Variants in TNRC18 observed in about 807,000 individuals in gnomAD.
TNRC18 encodes trinucleotide repeat containing 18.
TNRC18 carries 69 observed loss-of-function variants against 226.7 expected under a neutral mutation model. The ratio of observed to expected loss-of-function variants is 0.30; its 90% confidence interval spans 0.25 to 0.37. The LOEUF is 0.37. Ranked by LOEUF, TNRC18 falls within the 10% of genes least tolerant of loss-of-function variation. The pLI, the probability that TNRC18 is intolerant of heterozygous loss-of-function variation, is 1.00. For missense variants in TNRC18, 4,754 were observed against 4,256.6 expected (o/e 1.12, Z -3.25); for synonymous variants, 2,449 against 1,927.6 (o/e 1.27, Z -7.09).
intron 11 of TNRC18, among the ~76,000 whole-genome samples, chr7:5,367,097 A>G (rs1263943333): frequency 2.0e-5 from 3 of 152,090 alleles, no homozygotes; most frequent in Non-Finnish European, 4.4e-5. Context: ...GGGTGCAGTG[A>G]CTTACACTTG....
Position 5,375,001 on chromosome 7 carries a change from G to A in TNRC18, c.2800-517C>T, listed in dbSNP as rs973079742. Among the ~76,000 whole-genome samples the A allele has an allele frequency of 5.3e-5, 8 of 152,312 alleles. No homozygotes were observed. The South Asian group carries it at 6.2e-4, about 12-fold the overall frequency. On this transcript the variant is annotated intron_variant, in intron 9 of 29. Coordinates refer to ENST00000430969, the MANE Select transcript of TNRC18 (RefSeq NM_001080495.3). ...GCGACCACCAATGCCTACCTGGGCC[G>A]GTCAGTCAATACACAAAACACACTA...
chr7:5,332,491 G>C (rs908883919), intron 19 of TNRC18, 131 bp downstream of exon 19: 29 of 1,001,574 alleles, frequency 2.9e-5, no homozygotes, highest in Non-Finnish European at 3.9e-5. Context: ...CAGGGGCTCC[G>C]GGCGGGCCTG....
At chr7:5,383,192 C>T (rs968443276) in intron 5 of TNRC18, among the ~76,000 whole-genome samples, 1 of 152,184 alleles carries the variant, frequency 6.6e-6, no homozygotes, top group Non-Finnish European at 1.5e-5. Context: ...CATGAGCCGC[C>T]GCATCTGGCA....
chr7:5,393,588 C>T (rs553986364), intron 3 of TNRC18, among the ~76,000 whole-genome samples: 19 of 152,206 alleles, frequency 1.2e-4, no homozygotes, highest in Middle Eastern at 3.4e-3. Flanking sequence ...CCAGGAACCA[C>T]GAGCACCTAC....
chr7:5,332,457 G>C (rs556324088), intron 19 of TNRC18, among the ~76,000 whole-genome samples, 165 bp downstream of exon 19: 1 of 152,320 alleles, frequency 6.6e-6, no homozygotes, highest in South Asian at 2.1e-4. Context: ...CAGGTGCCCA[G>C]CTCCTGCTGT....
At chr7:5,353,577 A>G (rs1463217614) in intron 16 of TNRC18, among the ~76,000 whole-genome samples, 1 of 150,696 alleles carries the variant, frequency 6.6e-6, no homozygotes, top group Non-Finnish European at 1.5e-5. Context: ...AAAAAAAAAA[A>G]AAAACCCACA....
chr7:5,313,278 G>C lies in TNRC18; in HGVS notation c.7613C>G (p.Ser2538Cys). 6.5e-7 allele frequency: 1 copy of C among 1,548,612 alleles called. No homozygotes were observed. The highest frequency in any genetic ancestry group is 8.7e-7 in the Non-Finnish European group (1 of 1,146,626). The change falls in exon 27 of 30, where the codon TCT (serine) becomes TGT (cysteine). Residue 2538 changes from serine to cysteine, a missense_variant. Transcript: ENST00000430969. ...CTTGTCTGGGCTCTTGGGGTTCCCA[G>C]AGTCCTCGAACGTGAGCCCCGGCCC... is the stretch of plus-strand genomic sequence containing the variant. Reference protein sequence around the residue: ...EPGPGLTFEDSGNPKSPDKAQ... With the variant: ...EPGPGLTFEDCGNPKSPDKAQ...
At position 5,374,204 on chromosome 7, in the gene TNRC18, G is replaced by A; in HGVS notation, c.3080C>T (p.Pro1027Leu). ...CGGCGGGCTGGTGGGGTGGGAGCTG[G>A]GGGTGGCGGGGTAGGCGTAGGCGGG... is the stretch of plus-strand genomic sequence containing the variant. ...KPPAYAYPAT[P>L]SSHPTSPPPA... Residue 1027 changes from proline (P) to leucine (L), a missense_variant, in exon 10 of 30, where the codon CCC (proline) becomes CTC (leucine). Physicochemically the swap from Pro to Leu is moderately conservative, Grantham distance 98. Transcript: ENST00000430969. 2.7e-6 allele frequency: 4 copies of A among 1,459,412 alleles called. No homozygotes were observed. Among genetic ancestry groups the A allele is most frequent in the South Asian group, 1.4e-5 (1 of 70,846 alleles). 90.4% of individuals were successfully genotyped at this position (1,459,412 alleles called of 1,614,324 possible).
intron 11 of TNRC18, 104 bp from the exon 12 acceptor site, chr7:5,362,929 C>T (rs1173385536): frequency 1.7e-5 from 21 of 1,221,188 alleles, no homozygotes; most frequent in Admixed American, 3.1e-5. Flanking sequence ...GCCACACGTG[C>T]CCATCCCCCA....
At chr7:5,379,801 G>A (rs1779272165) in intron 5 of TNRC18, among the ~76,000 whole-genome samples, 1 of 152,226 alleles carries the variant, frequency 6.6e-6, no homozygotes, top group Non-Finnish European at 1.5e-5. Flanking sequence ...GGTGCCATTC[G>A]CACAGGCGGA....
At chr7:5,376,366 A>G (rs1794678689) in intron 8 of TNRC18, 142 bp from the exon 9 acceptor site, 10 of 769,656 alleles carry the variant, frequency 1.3e-5, no homozygotes, top group Middle Eastern at 3.0e-4. Flanking sequence ...GCTGCTCCCC[A>G]GGGGCCAGGA....
chr7:5,345,531 C>A, intron 18 of TNRC18, 31 bp downstream of exon 18: 2 of 1,069,536 alleles, frequency 1.9e-6, no homozygotes, highest in Non-Finnish European at 2.5e-6. Context: ...CTCCCACCCA[C>A]CCCCACCGCA....
rs199863123 is a variant in TNRC18 at position 5,313,530 on chromosome 7, G to A, written c.7361C>T (p.Pro2454Leu). ...GACAAGCAGCTCGGCCTCCTCCCCC[G>A]GCCTCCGAGGGCCCTTGGCACCCGA... is the stretch of plus-strand genomic sequence containing the variant. ...EESGAKGPRR[P>L]GEEAELLVKL... Residue 2454 changes from proline (P) to leucine (L), a missense_variant, in exon 27 of 30, where the codon CCG becomes CTG. By Grantham distance (98) the Pro-to-Leu change is moderately conservative. Transcript: ENST00000430969. The A allele has an allele frequency of 2.6e-4, 424 of 1,611,566 alleles. No homozygotes were observed. The highest frequency in any genetic ancestry group is 5.3e-4 in the Middle Eastern group (3 of 5,666).
At chr7:5,358,035 G>C (rs1583899498) in intron 15 of TNRC18, among the ~76,000 whole-genome samples, 1 of 152,260 alleles carries the variant, frequency 6.6e-6, no homozygotes, top group South Asian at 2.1e-4. Flanking sequence ...CCGGATTAAG[G>C]GAGGAGGAAA....
chr7:5,377,097 G>A lies in TNRC18; in HGVS notation c.2462-104C>T. 6.8e-7 allele frequency: 1 copy of A among 1,471,574 alleles called. No homozygotes were observed. The highest frequency in any genetic ancestry group is 9.1e-7 in the Non-Finnish European group (1 of 1,101,298). 91.2% of individuals were successfully genotyped at this position (1,471,574 alleles called of 1,614,324 possible). On this transcript the variant is annotated intron_variant, in intron 7 of 29. Coordinates refer to ENST00000430969, the MANE Select transcript of TNRC18 (RefSeq NM_001080495.3). The surrounding 1 kb of genome is among the most constrained non-coding windows in gnomAD (Gnocchi z 5.8). ...CACCTCCCAAGTCCTGAACCTCCTGGGGCCTCCAGTGGGGAAGCCAAGGGA... is the reference window on the plus strand; with the variant it reads ...CACCTCCCAAGTCCTGAACCTCCTGAGGCCTCCAGTGGGGAAGCCAAGGGA...
At chr7:5,346,437 A>G (rs1191546424) in intron 17 of TNRC18, among the ~76,000 whole-genome samples, 2 of 152,166 alleles carry the variant, frequency 1.3e-5, no homozygotes, top group Non-Finnish European at 2.9e-5. Context: ...CGGAGGTTGC[A>G]GTGAGCTGAG....
At chr7:5,320,721 G>C (rs1433855402) in intron 22 of TNRC18, 114 bp from the exon 23 acceptor site, 2 of 861,734 alleles carry the variant, frequency 2.3e-6, no homozygotes, top group Admixed American at 2.7e-5. Flanking sequence ...CCAGGACTCA[G>C]AGGTTTGCTG....
Position 5,313,377 on chromosome 7 carries a change from G to C in TNRC18, c.7514C>G (p.Pro2505Arg), listed in dbSNP as rs761788342. Reference sequence around the variant, plus strand: ...GGGCTCGCTGCTGCCGGCCGCGGGGGGATAGCTGCCCAGGCTCAGGAGGCT... The same window carrying C: ...GGGCTCGCTGCTGCCGGCCGCGGGGCGATAGCTGCCCAGGCTCAGGAGGCT... ...PKSLLSLGSY[P>R]PAAGSSEPKA... The change falls in exon 27 of 30, where the codon CCC becomes CGC. Residue 2505 changes from proline (P) to arginine (R), a missense_variant. Coordinates refer to ENST00000430969, the MANE Select transcript of TNRC18 (RefSeq NM_001080495.3). 3.8e-6 allele frequency: 6 copies of C among 1,586,126 alleles called. No individual in the cohort carries two copies. The highest frequency in any genetic ancestry group is 5.1e-6 in the Non-Finnish European group (6 of 1,167,768).
chr7:5,378,295 T>C (rs1256623562), intron 5 of TNRC18, among the ~76,000 whole-genome samples: 1 of 152,216 alleles, frequency 6.6e-6, no homozygotes, highest in Non-Finnish European at 1.5e-5. Flanking sequence ...CAGACAACCG[T>C]GGCGATAATT....
Sources: allele counts gnomAD v4.1 joint callset (sites outside exome capture counted in the v4.1 genomes callset), GRCh38; gene constraint gnomAD v4.1.1; non-coding constraint Gnocchi (gnomAD v3.1); transcripts MANE v1.5; gene names NCBI Gene and HGNC (gene_info 2026-07-23, HGNC 2026-07-21).